The following SNTG1 variants were observed in gnomAD, a reference collection of about 807,000 sequenced individuals.
SNTG1 encodes the protein syntrophin gamma 1.
In SNTG1, 39 loss-of-function variants were observed where a neutral mutation model predicts 74.7. The observed-to-expected ratio is 0.52, with a 90% CI of 0.40 to 0.68. The LOEUF (loss-of-function observed/expected upper bound fraction) is 0.68. Among genes scored for constraint, SNTG1 ranks in the 30% least tolerant of loss-of-function variants. The probability of loss-of-function intolerance (pLI) is 0.00; values close to 1 mark genes in which losing one functional copy is unlikely to be tolerated. For synonymous variants in SNTG1, 254 were observed against 217.1 expected (o/e 1.17, Z -1.49); for missense variants, 685 against 609.5 (o/e 1.12, Z -1.30).
chr8:50,402,225 T>C lies in SNTG1; in HGVS notation c.43T>C (p.Cys15Arg). 6.9e-6 allele frequency: 11 copies of C among 1,590,730 alleles called. No individual in the cohort carries two copies. Among genetic ancestry groups the C allele is most frequent in the Non-Finnish European group, 8.5e-6 (10 of 1,174,302 alleles). Residue 15 changes from cysteine (C) to arginine (R), a missense_variant, in exon 4 of 19, where the codon TGT becomes CGT. Transcript: ENST00000642720. ...TAATCTGAAGACAAAGACAGGAATT[T>C]GTTTGCTGCAGGATGGTAACCAGGA... Reference protein sequence around the residue: ...TACEETKTGICLLQDGNQEPF... With the variant: ...TACEETKTGIRLLQDGNQEPF...
chr8:50,259,012 T>C (rs999660076), intron 2 of SNTG1, among the ~76,000 whole-genome samples: 6 of 151,812 alleles, frequency 4.0e-5, no homozygotes, highest in Non-Finnish European at 8.8e-5. Context: ...ACAGTAAAAA[T>C]GTTGAAAGGC....
chr8:50,018,668 T>C (rs1277364183), intron 1 of SNTG1, among the ~76,000 whole-genome samples: 1 of 152,040 alleles, frequency 6.6e-6, no homozygotes, highest in East Asian at 1.9e-4. Flanking sequence ...TAAAAACTTG[T>C]GTATCAAAGA....
intron 1 of SNTG1, among the ~76,000 whole-genome samples, chr8:50,102,862 A>T (rs1214884111): frequency 6.8e-6 from 1 of 147,950 alleles, no homozygotes. Context: ...CAAAGATCAG[A>T]TAGTTGTAGA....
intron 8 of SNTG1, among the ~76,000 whole-genome samples, chr8:50,482,637 G>A (rs2093750431): frequency 6.6e-6 from 1 of 152,196 alleles, no homozygotes; most frequent in Non-Finnish European, 1.5e-5. Flanking sequence ...TTCATTTAGA[G>A]AGTAGAGAGA....
At chr8:50,006,806 A>T (rs1815285034) in intron 1 of SNTG1, among the ~76,000 whole-genome samples, 1 of 152,170 alleles carries the variant, frequency 6.6e-6, no homozygotes. Context: ...GACTAAGAAC[A>T]TTTCCAGCCT....
chr8:50,135,503 G>A (rs1046975144), intron 1 of SNTG1, among the ~76,000 whole-genome samples: 3 of 152,054 alleles, frequency 2.0e-5, no homozygotes, highest in African/African-American at 7.2e-5. Flanking sequence ...ATATGTAGTG[G>A]ATATTAAAGT....
Position 50,753,063 on chromosome 8 carries a change from T to C in SNTG1, c.1395+952T>C, listed in dbSNP as rs577378068. Among the ~76,000 whole-genome samples the C allele has an allele frequency of 2.0e-5, 3 of 152,076 alleles. No homozygotes were observed. The South Asian group carries it at 6.2e-4, about 32-fold the overall frequency. On this transcript the variant is annotated intron_variant, in intron 18 of 18. Coordinates refer to ENST00000642720, the MANE Select transcript of SNTG1 (RefSeq NM_018967.5). ...TGCCACTGCATGTGTTTCCAGGGGG[T>C]TGCCTCACTTTGTCTCCCATCAGTT...
chr8:50,169,237 G>A (rs980268801), intron 1 of SNTG1, among the ~76,000 whole-genome samples: 2 of 152,148 alleles, frequency 1.3e-5, no homozygotes, highest in East Asian at 3.8e-4. Flanking sequence ...AGACATCATA[G>A]GGCACACAGA....
At chr8:49,954,654 C>T (rs1585645116) in intron 1 of SNTG1, among the ~76,000 whole-genome samples, 1 of 152,194 alleles carries the variant, frequency 6.6e-6, no homozygotes, top group Non-Finnish European at 1.5e-5. Context: ...GTTAAATCTT[C>T]CCCTCTCATA....
At chr8:50,053,226 A>G (rs761208722) in intron 1 of SNTG1, among the ~76,000 whole-genome samples, 1 of 152,206 alleles carries the variant, frequency 6.6e-6, no homozygotes, top group Non-Finnish European at 1.5e-5. Context: ...GAATGCTTTT[A>G]CAAGGGAATA....
chr8:50,580,816 A>G (rs2094605962), intron 12 of SNTG1, among the ~76,000 whole-genome samples: 1 of 152,170 alleles, frequency 6.6e-6, no homozygotes, highest in Admixed American at 6.5e-5. Flanking sequence ...CTTTATCAAT[A>G]GAGTGAGAAT....
intron 1 of SNTG1, among the ~76,000 whole-genome samples, chr8:49,917,131 G>T (rs1014346951): frequency 6.6e-6 from 1 of 152,082 alleles, no homozygotes; most frequent in Admixed American, 6.6e-5. Flanking sequence ...GTATTTTATG[G>T]TTAAAAATGC....
At chr8:49,938,615 C>CT (rs5891335) in intron 1 of SNTG1, among the ~76,000 whole-genome samples, 879 of 22,448 alleles carry the variant, frequency 0.039, 22 homozygotes, top group African/African-American at 0.077. Flanking sequence ...TTCTTTCTTT[C>CT]TTTCTTTCTT....
chr8:50,440,384 G>A (rs920530717), intron 5 of SNTG1, among the ~76,000 whole-genome samples: 1 of 151,170 alleles, frequency 6.6e-6, no homozygotes, highest in Non-Finnish European at 1.5e-5. Flanking sequence ...ATCTTTTATT[G>A]TGATTATTTA....
intron 2 of SNTG1, among the ~76,000 whole-genome samples, chr8:50,290,036 C>T (rs1174496546): frequency 6.6e-6 from 1 of 152,140 alleles, no homozygotes; most frequent in Non-Finnish European, 1.5e-5. Context: ...TTATTTTCAA[C>T]TTGAAGGATT....
At chr8:50,192,879 T>A (rs1029272894) in intron 2 of SNTG1, among the ~76,000 whole-genome samples, 1 of 152,170 alleles carries the variant, frequency 6.6e-6, no homozygotes, top group Non-Finnish European at 1.5e-5. Context: ...GCCAGCCAAT[T>A]ATCCCAGCAC....
chr8:50,767,718 C>T (rs1289916966), intron 18 of SNTG1, among the ~76,000 whole-genome samples: 4 of 151,866 alleles, frequency 2.6e-5, no homozygotes, highest in African/African-American at 9.7e-5. Context: ...CTGATATATT[C>T]TCATAGTCAT....
intron 1 of SNTG1, among the ~76,000 whole-genome samples, chr8:49,981,387 A>G (rs1314645999): frequency 6.6e-6 from 1 of 151,958 alleles, no homozygotes; most frequent in African/African-American, 2.4e-5. Flanking sequence ...CATGGTTGCT[A>G]GACCATGGAA....
intron 3 of SNTG1, among the ~76,000 whole-genome samples, chr8:50,395,082 T>G (rs2092710071): frequency 6.6e-6 from 1 of 152,128 alleles, no homozygotes; most frequent in South Asian, 2.1e-4. Context: ...GACTGTTACT[T>G]TAGTGAAATG....
Sources: allele counts gnomAD v4.1 joint callset (sites outside exome capture counted in the v4.1 genomes callset), GRCh38; gene constraint gnomAD v4.1.1; transcripts MANE v1.5; gene names NCBI Gene and HGNC (gene_info 2026-07-23, HGNC 2026-07-21).